CPAMD8: variants seen among roughly 807,000 people sequenced by gnomAD.
CPAMD8 encodes C3 and PZP like alpha-2-macroglobulin domain containing 8.
Under a neutral mutation model 224.7 loss-of-function variants are expected in CPAMD8, and 146 were observed. That is an observed-to-expected ratio of 0.65 (90% CI 0.57 to 0.75). The LOEUF (loss-of-function observed/expected upper bound fraction) is 0.75. Ranked by LOEUF, CPAMD8 falls within the 30% of genes least tolerant of loss-of-function variation. The probability of loss-of-function intolerance (pLI) is 0.00; values close to 1 mark genes in which losing one functional copy is unlikely to be tolerated. For synonymous variants in CPAMD8, 966 were observed against 1,044.6 expected, an observed-to-expected ratio of 0.92 and a Z score of 1.45; for missense variants, 2,301 against 2,537.5, an observed-to-expected ratio of 0.91 and a Z score of 2.00.
chr19:16,960,772 C>T (rs992217034), intron 18 of CPAMD8, among the ~76,000 whole-genome samples: 1 of 151,602 alleles, frequency 6.6e-6, no homozygotes, highest in African/African-American at 2.4e-5. Context: ...TTTGGTGGTG[C>T]AGGCCTGTAA....
At chr19:16,904,658 C>T in intron 30 of CPAMD8, 106 bp from the exon 31 acceptor site, 1 of 775,528 alleles carries the variant, frequency 1.3e-6, no homozygotes, top group South Asian at 1.5e-5. Flanking sequence ...ATTGTGGGAC[C>T]CCAGTGGGAG....
chr19:17,013,763 G>A (rs1269576516), intron 3 of CPAMD8, among the ~76,000 whole-genome samples: 5 of 151,750 alleles, frequency 3.3e-5, no homozygotes, highest in African/African-American at 1.2e-4. Context: ...TAAATGCCAC[G>A]GAATTATATG....
chr19:16,965,470 T>C (rs2054799194), intron 18 of CPAMD8, among the ~76,000 whole-genome samples: 2 of 152,082 alleles, frequency 1.3e-5, no homozygotes, highest in South Asian at 2.1e-4. Flanking sequence ...CTATTCAACG[T>C]AGTGTTGGAA....
Position 16,899,737 on chromosome 19 carries a change from G to A in CPAMD8, c.4774-188C>T, listed in dbSNP as rs985734183. Among the ~76,000 whole-genome samples the A allele has an allele frequency of 6.6e-6, 1 of 151,982 alleles. No individual in the cohort carries two copies. Among genetic ancestry groups the A allele is most frequent in the African/African-American group, 2.4e-5 (1 of 41,382 alleles). ...CACCCAGGAGAGGACGCTCAAGGAT[G>A]GCTATCCCCGCTGGGAGCACCTGCC... is the stretch of plus-strand genomic sequence containing the variant. On this transcript the variant is annotated intron_variant, in intron 36 of 41. Coordinates refer to ENST00000443236, the MANE Select transcript of CPAMD8 (RefSeq NM_015692.5). This position sits in a 1 kb window ranked among gnomAD's most constrained non-coding sequence, Gnocchi z 5.4.
chr19:16,929,048 G>A lies in CPAMD8; in HGVS notation c.3038C>T (p.Ser1013Phe). 1.2e-6 allele frequency: 2 copies of A among 1,613,926 alleles called. No individual in the cohort carries two copies. The highest frequency in any genetic ancestry group is 1.1e-5 in the South Asian group (1 of 91,066). The change falls in exon 24 of 42, where the codon TCC becomes TTC. Residue 1013 changes from serine (S) to phenylalanine (F), a missense_variant. Transcript: ENST00000443236. The stretch of plus-strand genomic sequence containing the variant: ...CACGGGCTCTCCCATCTTGCTGGTG[G>A]AGATCCATGACCTGGTGTTCTGATG... ...GGHQNTRSWI[S>F]TSKMGEPVAS...
chr19:16,934,902 C>T (rs1445225219), intron 23 of CPAMD8, among the ~76,000 whole-genome samples: 7 of 152,094 alleles, frequency 4.6e-5, no homozygotes, highest in African/African-American at 1.7e-4. Context: ...ACCACCATCA[C>T]CCATTTCAAG....
rs1282830414 is a variant in CPAMD8, at chr19:16,952,101, G to T, written c.2376C>A (p.Gly792=). Residue 792 remains glycine, a synonymous_variant, in exon 20 of 42, where the codon GGC becomes GGA. Coordinates refer to ENST00000443236, the MANE Select transcript of CPAMD8 (RefSeq NM_015692.5). ...AVALSTSQGL[G]IAEPSLLKTF... is the part of the protein sequence containing the mutation. ...TCTTCAGCAGGGAGGGCTCGGCGAT[G>T]CCTAAGCCCTGAGAGGTGGACAGGG... 6.4e-7 allele frequency: 1 copy of T among 1,555,184 alleles called. No homozygotes were observed. The highest frequency in any genetic ancestry group is 8.7e-7 in the Non-Finnish European group (1 of 1,148,156).
chr19:16,936,405 G>A (rs926998202), intron 23 of CPAMD8, among the ~76,000 whole-genome samples: 1 of 151,848 alleles, frequency 6.6e-6, no homozygotes, highest in Non-Finnish European at 1.5e-5. Context: ...TTGTTTGTTT[G>A]TTTGTTGTTG....
At chr19:16,918,779 C>T (rs1341480740) in intron 27 of CPAMD8, among the ~76,000 whole-genome samples, 2 of 136,672 alleles carry the variant, frequency 1.5e-5, no homozygotes, top group African/African-American at 2.7e-5. Flanking sequence ...TGAATAGTTT[C>T]GATCTGTAGT....
At chr19:16,964,463 A>G (rs1018185617) in intron 18 of CPAMD8, among the ~76,000 whole-genome samples, 1 of 152,224 alleles carries the variant, frequency 6.6e-6, no homozygotes, top group Non-Finnish European at 1.5e-5. Flanking sequence ...ATTCCTGGAC[A>G]CATACACCCT....
intron 17 of CPAMD8, among the ~76,000 whole-genome samples, chr19:16,974,192 C>T (rs566868507): frequency 4.4e-4 from 67 of 151,164 alleles, no homozygotes; most frequent in African/African-American, 1.4e-3. Flanking sequence ...AGTGCAGTGG[C>T]GCAATCTTGG....
At chr19:17,018,112 C>T (rs570938206) in intron 3 of CPAMD8, among the ~76,000 whole-genome samples, 22 of 151,562 alleles carry the variant, frequency 1.5e-4, no homozygotes, top group Non-Finnish European at 2.4e-4. Flanking sequence ...ACAAAAGGAA[C>T]TATCTCAGCC....
chr19:16,954,075 G>A (rs773783621), intron 19 of CPAMD8, among the ~76,000 whole-genome samples: 2 of 152,122 alleles, frequency 1.3e-5, no homozygotes, highest in African/African-American at 4.8e-5. Context: ...TGTGAATAAC[G>A]CTGTGAACAT....
At chr19:16,950,223 G>C (rs1001191824) in intron 20 of CPAMD8, among the ~76,000 whole-genome samples, 1 of 152,142 alleles carries the variant, frequency 6.6e-6, no homozygotes, top group East Asian at 1.9e-4. Context: ...GCTTGAACCC[G>C]GGAGGCGGAG....
intron 1 of CPAMD8, among the ~76,000 whole-genome samples, chr19:17,022,495 T>C (rs1179661549): frequency 7.3e-6 from 1 of 136,888 alleles, no homozygotes; most frequent in Non-Finnish European, 1.5e-5. Context: ...CCCCAGGACC[T>C]TTTTTTTTTT....
intron 13 of CPAMD8, among the ~76,000 whole-genome samples, chr19:16,988,911 G>A (rs2055839352): frequency 6.6e-6 from 1 of 152,158 alleles, no homozygotes; most frequent in African/African-American, 2.4e-5. Context: ...CACATCAGCA[G>A]TGGCAGCATT....
chr19:16,928,239 A>T lies in CPAMD8; in HGVS notation c.3145-5T>A. Reference sequence around the variant, plus strand: ...TGGCTCTGGACCATGGCCAACCTGGAAAAAGAAACCAAGGCTGCTGGACGC... The same window carrying T: ...TGGCTCTGGACCATGGCCAACCTGGTAAAAGAAACCAAGGCTGCTGGACGC... On this transcript the variant is annotated splice_region_variant and splice_polypyrimidine_tract_variant and intron_variant, in intron 24 of 41. Transcript: ENST00000443236. 3 of 1,607,854 alleles carry T rather than the reference A, an allele frequency of 1.9e-6. No individual in the cohort carries two copies. The highest frequency in any genetic ancestry group is 2.6e-6 in the Non-Finnish European group (3 of 1,175,180).
intron 29 of CPAMD8, among the ~76,000 whole-genome samples, chr19:16,908,186 C>T (rs1471301778): frequency 6.6e-6 from 1 of 152,012 alleles, no homozygotes; most frequent in Admixed American, 6.6e-5. Context: ...TGGTGAAATT[C>T]CATCTCTATT....
rs111783759 is a variant in CPAMD8 at position 16,999,187 on chromosome 19, A to G, written c.867+1227T>C. Among the ~76,000 whole-genome samples, 411 of 152,270 alleles carry G rather than the reference A, an allele frequency of 2.7e-3. 2 individuals carry two copies. The highest frequency in any genetic ancestry group is 9.7e-3 in the African/African-American group (402 of 41,570). On this transcript the variant is annotated intron_variant, in intron 10 of 41. Coordinates refer to ENST00000443236, the MANE Select transcript of CPAMD8 (RefSeq NM_015692.5). ...CAGAGACAGGAGGAGGGAAATGAGG[A>G]TTCTCTGCAAAAGGACATGAAGGAT...
Sources: allele counts gnomAD v4.1 joint callset (sites outside exome capture counted in the v4.1 genomes callset), GRCh38; gene constraint gnomAD v4.1.1; non-coding constraint Gnocchi (gnomAD v3.1); transcripts MANE v1.5; gene names NCBI Gene and HGNC (gene_info 2026-07-23, HGNC 2026-07-21).